The following CDC42EP3 variants were observed in gnomAD, a reference collection of about 807,000 sequenced individuals.
CDC42EP3 encodes CDC42 effector protein 3.
Under a neutral mutation model 15.5 loss-of-function variants are expected in CDC42EP3, and 4 were observed. That is an observed-to-expected ratio of 0.26 (90% CI 0.13 to 0.59). CDC42EP3 has a LOEUF of 0.59. CDC42EP3 is among the 20% of genes least tolerant of loss of function. The pLI is 0.89. For synonymous variants in CDC42EP3, 145 were observed against 130.3 expected, an observed-to-expected ratio of 1.11 and a Z score of -0.77; for missense variants, 309 against 311.2, an observed-to-expected ratio of 0.99 and a Z score of 0.05.
Position 37,646,543 on chromosome 2 carries a change from C to A in CDC42EP3, c.45G>T (p.Lys15Asn). Reference protein sequence around the residue: ...TPIYLKAANNKKGKKFKLRDI... With the variant: ...TPIYLKAANNNKGKKFKLRDI... ...CCCTCAGTTTAAATTTCTTTCCTTTCTTGTTATTGGCTGCTTTCAGGTAAA... is the reference window on the plus strand; with the variant it reads ...CCCTCAGTTTAAATTTCTTTCCTTTATTGTTATTGGCTGCTTTCAGGTAAA... The change falls in exon 2 of 2, where the codon AAG (lysine) becomes AAT (asparagine). Residue 15 changes from lysine (K) to asparagine (N), a missense_variant. Coordinates refer to ENST00000295324, the MANE Select transcript of CDC42EP3 (RefSeq NM_006449.5). 5.1e-6 allele frequency: 8 copies of A among 1,565,082 alleles called. No homozygotes were observed. Among genetic ancestry groups the A allele is most frequent in the Non-Finnish European group, 6.9e-6 (8 of 1,158,462 alleles).
At chr2:37,654,427 A>G (rs1665784675) in intron 1 of CDC42EP3, among the ~76,000 whole-genome samples, 3 of 152,180 alleles carry the variant, frequency 2.0e-5, no homozygotes, top group Admixed American at 1.3e-4. Flanking sequence ...AATTGTAATG[A>G]AAAGGAATTA....
At position 37,642,563 on chromosome 2, in the gene CDC42EP3, G is replaced by A. The variant is rs544600304; in HGVS notation, c.*3260C>T. On this transcript the variant is annotated 3_prime_UTR_variant, in exon 2 of 2. Transcript: ENST00000295324. ...ATTTCCAAAAGAAAAACTCTTACTG[G>A]AGAGAAACCATCATGTTGGCTCATT... 71 of 152,258 alleles carry A rather than the reference G, an allele frequency of 4.7e-4. No homozygotes were observed. Among genetic ancestry groups the A allele is most frequent in the African/African-American group, 1.5e-3 (64 of 41,540 alleles). 9.4% of individuals were successfully genotyped at this position (152,258 alleles called of 1,614,324 possible). A position where few individuals can be genotyped will look rare whatever the true frequency, so the allele number is the denominator to read the frequency against.
rs934014319 is a variant in CDC42EP3, at chr2:37,643,768, G to C, written c.*2055C>G. 2.6e-5 allele frequency: 4 copies of C among 152,232 alleles called. No individual in the cohort carries two copies. The highest frequency in any genetic ancestry group is 9.6e-5 in the African/African-American group (4 of 41,462). The allele number at this position is 152,232 out of a possible 1,614,324, so 9.4% of individuals were successfully genotyped here. A position where few individuals can be genotyped will look rare whatever the true frequency, so the allele number is the denominator to read the frequency against. On this transcript the variant is annotated 3_prime_UTR_variant, in exon 2 of 2. Transcript: ENST00000295324. ...ACATTGGACTCTTCGTCATTAACAA[G>C]ATTTAGAATAGGCTGGGAAATTTCT...
intron 1 of CDC42EP3, among the ~76,000 whole-genome samples, chr2:37,658,899 A>C (rs866074215): frequency 2.0e-5 from 3 of 152,236 alleles, no homozygotes; most frequent in Admixed American, 6.5e-5. Context: ...TAGAATCCTC[A>C]TGTAACCTTA....
intron 1 of CDC42EP3, among the ~76,000 whole-genome samples, chr2:37,665,749 A>G (rs1438949571): frequency 6.6e-6 from 1 of 151,158 alleles, no homozygotes; most frequent in Non-Finnish European, 1.5e-5. Flanking sequence ...CCTGCCTTCC[A>G]CGCTTGCTCA....
intron 1 of CDC42EP3, among the ~76,000 whole-genome samples, chr2:37,664,224 C>T (rs1034505822): frequency 3.3e-5 from 5 of 152,184 alleles, no homozygotes; most frequent in Admixed American, 1.3e-4. Flanking sequence ...AAGGACTAGA[C>T]TTTCTGAGTC....
intron 1 of CDC42EP3, among the ~76,000 whole-genome samples, chr2:37,650,448 C>G (rs772610624): frequency 2.0e-5 from 3 of 152,178 alleles, no homozygotes; most frequent in Non-Finnish European, 2.9e-5. Flanking sequence ...CTCCTGGGTA[C>G]CAGCAGCACT....
chr2:37,649,064 G>T (rs1051953348), intron 1 of CDC42EP3, among the ~76,000 whole-genome samples: 7 of 149,306 alleles, frequency 4.7e-5, no homozygotes, highest in Non-Finnish European at 1.0e-4. Flanking sequence ...AGGGCAGGGG[G>T]TTCCAATTAT....
chr2:37,664,871 G>C (rs1171728194), intron 1 of CDC42EP3, among the ~76,000 whole-genome samples: 1 of 152,022 alleles, frequency 6.6e-6, no homozygotes, highest in Non-Finnish European at 1.5e-5. Context: ...AGAACAAATG[G>C]ACACAAAGAG....
rs960930402 is a variant in CDC42EP3 at position 37,643,925 on chromosome 2, C to T, written c.*1898G>A. The T allele has an allele frequency of 3.3e-5, 5 of 151,560 alleles. No homozygotes were observed. In the East Asian group the frequency reaches 7.7e-4, roughly 23 times the overall value. The allele number at this position is 151,560 out of a possible 1,614,324, so 9.4% of individuals were successfully genotyped here. ...GGGCAAGCTTGTCCAACCTGTGGCC[C>T]GCATGAAGTCCAACACAAATTTTTA... On this transcript the variant is annotated 3_prime_UTR_variant, in exon 2 of 2. Coordinates refer to ENST00000295324, the MANE Select transcript of CDC42EP3 (RefSeq NM_006449.5).
At position 37,646,815 on chromosome 2, in the gene CDC42EP3, G is replaced by A. The variant is rs918783787; in HGVS notation, c.-228C>T. The A allele has an allele frequency of 2.5e-5, 11 of 433,412 alleles. No individual in the cohort carries two copies. Among genetic ancestry groups the A allele is most frequent in the Admixed American group, 1.6e-4 (4 of 24,296 alleles). The allele number at this position is 433,412 out of a possible 1,614,324, so 26.8% of individuals were successfully genotyped here. Reference sequence around the variant, plus strand: ...CATCATCCAGTCTTGACCACAACCAGGACAAACCTGCAGAAGAAACCAAAG... The same window carrying A: ...CATCATCCAGTCTTGACCACAACCAAGACAAACCTGCAGAAGAAACCAAAG... On this transcript the variant is annotated 5_prime_UTR_variant, in exon 2 of 2. Transcript: ENST00000295324.
At chr2:37,668,201 T>G (rs1022810815) in intron 1 of CDC42EP3, among the ~76,000 whole-genome samples, 3 of 152,234 alleles carry the variant, frequency 2.0e-5, no homozygotes, top group African/African-American at 7.2e-5. Flanking sequence ...TGGTTGACTA[T>G]GGGTAACTGA....
intron 1 of CDC42EP3, among the ~76,000 whole-genome samples, chr2:37,669,654 T>C (rs868794974): frequency 2.6e-5 from 4 of 152,222 alleles, no homozygotes; most frequent in African/African-American, 9.6e-5. Context: ...GAATTCATCA[T>C]GTAAATCTCT....
intron 1 of CDC42EP3, among the ~76,000 whole-genome samples, chr2:37,652,196 A>AG (rs1019324538): frequency 1.3e-5 from 2 of 150,300 alleles, no homozygotes; most frequent in African/African-American, 4.9e-5. Context: ...AAAAAAAAAA[A>AG]AAAAAGAAAA....
At chr2:37,653,572 C>T (rs1048517580) in intron 1 of CDC42EP3, among the ~76,000 whole-genome samples, 3 of 152,090 alleles carry the variant, frequency 2.0e-5, no homozygotes, top group Admixed American at 2.0e-4. Flanking sequence ...AAGGGAAAAT[C>T]AAGCGGTTTT....
intron 1 of CDC42EP3, among the ~76,000 whole-genome samples, chr2:37,654,745 T>A (rs990575707): frequency 6.6e-5 from 10 of 152,244 alleles, no homozygotes; most frequent in African/African-American, 2.4e-4. Context: ...GGACTTTCCC[T>A]TGAAGAAGCT....
Position 37,645,749 on chromosome 2 carries a change from G to A in CDC42EP3, c.*74C>T, listed in dbSNP as rs1256538589. The A allele has an allele frequency of 4.2e-6, 5 of 1,185,666 alleles. No homozygotes were observed. The highest frequency in any genetic ancestry group is 2.5e-5 in the East Asian group (1 of 40,364). The allele number at this position is 1,185,666 out of a possible 1,614,324, so 73.4% of individuals were successfully genotyped here. On this transcript the variant is annotated 3_prime_UTR_variant, in exon 2 of 2. Transcript: ENST00000295324. Reference sequence around the variant, plus strand: ...AACACAAAACTGCAAATACAGCTCCGGAAGCCCTTCTCTTCAACTGTGGTT... The same window carrying A: ...AACACAAAACTGCAAATACAGCTCCAGAAGCCCTTCTCTTCAACTGTGGTT...
chr2:37,654,682 C>T (rs955432695), intron 1 of CDC42EP3, among the ~76,000 whole-genome samples: 2 of 152,216 alleles, frequency 1.3e-5, no homozygotes, highest in South Asian at 2.1e-4. Flanking sequence ...GGAACACGAT[C>T]ACTGCCAATT....
At chr2:37,656,410 G>C (rs372375898) in intron 1 of CDC42EP3, among the ~76,000 whole-genome samples, 1 of 152,212 alleles carries the variant, frequency 6.6e-6, no homozygotes. Flanking sequence ...ACCCCTGCTA[G>C]ACTTTCCATC....
Sources: gnomAD v4.1 joint callset for allele counts (sites outside exome capture counted in the v4.1 genomes callset) on GRCh38, gnomAD v4.1.1 for gene constraint, MANE v1.5 for transcripts, NCBI Gene and HGNC (gene_info 2026-07-23, HGNC 2026-07-21) for gene names.